Variants in NCOA6 observed in about 807,000 individuals in gnomAD.
The protein encoded by NCOA6 is nuclear receptor coactivator 6, also known as NRC RAP250.
In NCOA6, 49 loss-of-function variants were observed where a neutral mutation model predicts 171.4. The observed-to-expected ratio is 0.29, with a 90% CI of 0.23 to 0.36. The LOEUF (loss-of-function observed/expected upper bound fraction) is 0.36, where lower values mean the gene tolerates loss of function less well. Ranked by LOEUF, NCOA6 falls within the 10% of genes least tolerant of loss-of-function variation. The pLI is 1.00. For synonymous variants in NCOA6, 910 were observed against 927.5 expected (o/e 0.98, Z 0.34); for missense variants, 2,248 against 2,554.5 (o/e 0.88, Z 2.59).
intron 12 of NCOA6, among the ~76,000 whole-genome samples, chr20:34,735,026 G>A (rs550329634): frequency 3.9e-4 from 59 of 152,284 alleles, no homozygotes; most frequent in Non-Finnish European, 2.9e-5. Flanking sequence ...CACAAGTAGA[G>A]ATCAAGAAGG....
Position 34,757,879 on chromosome 20 carries a change from G to A in NCOA6, c.869C>T (p.Pro290Leu), listed in dbSNP as rs1209092433. The A allele has an allele frequency of 1.2e-6, 2 of 1,613,886 alleles. No individual in the cohort carries two copies. The highest frequency in any genetic ancestry group is 4.5e-5 in the East Asian group (2 of 44,870). The change falls in exon 7 of 15, where the codon CCC (proline) becomes CTC (leucine). Residue 290 changes from proline to leucine, a missense_variant. Pro to Leu is a moderately conservative substitution (Grantham distance 98). Transcript: ENST00000359003. ...CTGTTGCTGCTGATGTTGCTGTGGG[G>A]GTCTTGCCTGCAACTGTTGTTGCTG... ...QQQQQQLQAR[P>L]PQQHQQQQPQ...
At chr20:34,813,866 A>T (rs188398547) in intron 1 of NCOA6, among the ~76,000 whole-genome samples, 1 of 152,350 alleles carries the variant, frequency 6.6e-6, no homozygotes, top group East Asian at 1.9e-4. Flanking sequence ...TTCAATTTTA[A>T]CTAGTAGCTA....
intron 2 of NCOA6, among the ~76,000 whole-genome samples, chr20:34,789,780 G>C (rs2077811538): frequency 6.6e-6 from 1 of 152,050 alleles, no homozygotes; most frequent in African/African-American, 2.4e-5. Context: ...AACAGAGTGA[G>C]ACTCTGTCTC....
At chr20:34,746,682 T>C (rs2076312346) in intron 10 of NCOA6, 125 bp downstream of exon 10, 1 of 1,164,466 alleles carries the variant, frequency 8.6e-7, no homozygotes, top group Non-Finnish European at 1.1e-6. Context: ...ACCAGACACA[T>C]TAAATCACTG....
intron 5 of NCOA6, among the ~76,000 whole-genome samples, chr20:34,760,199 C>A (rs1477722703): frequency 6.6e-6 from 1 of 152,184 alleles, no homozygotes; most frequent in Non-Finnish European, 1.5e-5. Context: ...ATCACTTGAG[C>A]CCAAGAGTTT....
chr20:34,820,612 A>G (rs888172197), intron 1 of NCOA6: 2 of 151,874 alleles, frequency 1.3e-5, no homozygotes, highest in Admixed American at 6.6e-5. Context: ...CCCTACTAAA[A>G]ACACAAAAAT....
chr20:34,817,988 G>A (rs1421435750), intron 1 of NCOA6, among the ~76,000 whole-genome samples: 1 of 152,124 alleles, frequency 6.6e-6, no homozygotes, highest in Non-Finnish European at 1.5e-5. Context: ...TTGATTATAT[G>A]GTATGCAGAG....
At chr20:34,787,369 T>A (rs890466590) in intron 2 of NCOA6, among the ~76,000 whole-genome samples, 3 of 151,456 alleles carry the variant, frequency 2.0e-5, no homozygotes, top group Admixed American at 2.0e-4. Context: ...ACAAAAAAAA[T>A]TTAAAAATTA....
chr20:34,753,163 A>G (rs1440083125), intron 8 of NCOA6, among the ~76,000 whole-genome samples: 1 of 150,262 alleles, frequency 6.7e-6, no homozygotes, highest in Non-Finnish European at 1.5e-5. Flanking sequence ...CTCCCGCCTC[A>G]GCCTCTTAAG....
chr20:34,785,185 T>C (rs985642805), intron 2 of NCOA6, among the ~76,000 whole-genome samples: 2 of 152,014 alleles, frequency 1.3e-5, no homozygotes, highest in African/African-American at 4.8e-5. Context: ...GGAAAAATTC[T>C]TCTGTTATAA....
chr20:34,789,301 AT>A (rs931029692), intron 2 of NCOA6, among the ~76,000 whole-genome samples: 12 of 152,224 alleles, frequency 7.9e-5, no homozygotes, highest in Non-Finnish European at 1.5e-4. Context: ...CTAACAAATA[AT>A]TTACCTTTAG....
rs138794748 is a variant in NCOA6 at position 34,736,774 on chromosome 20, A to G, written c.5894-16T>C. On this transcript the variant is annotated splice_polypyrimidine_tract_variant and intron_variant, in intron 11 of 14. Coordinates refer to ENST00000359003, the MANE Select transcript of NCOA6 (RefSeq NM_014071.5). ...TGCGACGGGGCTAAGGCAAGGAAAA[A>G]AAAATTACAGACCTTTTACTTTCTT... The G allele has an allele frequency of 2.3e-4, 375 of 1,598,450 alleles. No homozygotes were observed. In the African/African-American group the frequency reaches 4.7e-3, roughly 20 times the overall value.
At chr20:34,800,650 G>T (rs1777795487) in intron 1 of NCOA6, among the ~76,000 whole-genome samples, 1 of 152,028 alleles carries the variant, frequency 6.6e-6, no homozygotes. Flanking sequence ...GGTCAATTCA[G>T]CAAGAAGATG....
At position 34,776,284 on chromosome 20, in the gene NCOA6, G is replaced by C; in HGVS notation, c.391+9C>G. 1.9e-6 allele frequency: 3 copies of C among 1,612,608 alleles called. No homozygotes were observed. In the African/African-American group the frequency reaches 4.0e-5, roughly 22 times the overall value. ...CTGGTCTAGATGGGCACATGGCAAAGTAAAAGACCTTCAATCTGAACGGAG... is the reference window on the plus strand; with the variant it reads ...CTGGTCTAGATGGGCACATGGCAAACTAAAAGACCTTCAATCTGAACGGAG... On this transcript the variant is annotated intron_variant, in intron 4 of 14. Transcript: ENST00000359003.
intron 8 of NCOA6, among the ~76,000 whole-genome samples, chr20:34,751,152 C>T (rs906690069): frequency 2.0e-5 from 3 of 151,518 alleles, no homozygotes; most frequent in East Asian, 1.9e-4. Flanking sequence ...GGGTGGATCA[C>T]GAGGTCAGGA....
intron 14 of NCOA6, among the ~76,000 whole-genome samples, chr20:34,717,784 T>C (rs190280456): frequency 3.3e-5 from 5 of 152,344 alleles, no homozygotes; most frequent in Admixed American, 1.3e-4. Flanking sequence ...TGCAGCAAAT[T>C]TGTCATTTGC....
chr20:34,776,107 C>A (rs2077311991), intron 4 of NCOA6, among the ~76,000 whole-genome samples, 186 bp downstream of exon 4: 1 of 152,190 alleles, frequency 6.6e-6, no homozygotes, highest in African/African-American at 2.4e-5. Flanking sequence ...CCATCAGGAC[C>A]CAGCAATAAC....
At chr20:34,809,905 T>C (rs1186487114) in intron 1 of NCOA6, among the ~76,000 whole-genome samples, 2 of 152,076 alleles carry the variant, frequency 1.3e-5, no homozygotes, top group Admixed American at 6.6e-5. Context: ...GAGGCAGAGG[T>C]TGCAGTGAGT....
At position 34,817,119 on chromosome 20, in the gene NCOA6, T is replaced by TCA. The variant is rs5841183; in HGVS notation, c.-164+8351_-164+8352dup. Among the ~76,000 whole-genome samples, 133 of 126,460 alleles carry TCA rather than the reference T, an allele frequency of 1.1e-3. 18 individuals carry two copies. Among genetic ancestry groups the TCA allele is most frequent in the South Asian group, 5.4e-4 (2 of 3,692 alleles). 83.0% of individuals were successfully genotyped at this position (126,460 alleles called of 152,430 possible). ...GCCTGGGCAACAGAGTGAGACTCCA[T>TCA]CACACACACACACAAAAAAGCAAAA... On this transcript the variant is annotated intron_variant, in intron 1 of 14. Transcript: ENST00000359003.
Sources: allele counts gnomAD v4.1 joint callset (sites outside exome capture counted in the v4.1 genomes callset), GRCh38; gene constraint gnomAD v4.1.1; transcripts MANE v1.5; gene names NCBI Gene and HGNC (gene_info 2026-07-23, HGNC 2026-07-21).